PIGF: variants seen among roughly 807,000 people sequenced by gnomAD.
PIGF encodes the protein GPI ethanolamine phosphate transferase, stabilizing subunit.
In PIGF, 23 loss-of-function variants were observed where a neutral mutation model predicts 26.0. That is an observed-to-expected ratio of 0.88 (90% CI 0.64 to 1.25). The LOEUF (loss-of-function observed/expected upper bound fraction) is 1.25. PIGF is among the 50% of genes most tolerant of loss of function. PIGF has a pLI of 0.00. For missense variants in PIGF, 278 were observed against 249.9 expected (o/e 1.11, Z -0.76); for synonymous variants, 93 against 92.6 (o/e 1.00, Z -0.03).
intron 5 of PIGF, chr2:46,582,550 T>C (rs1304210443): frequency 6.6e-6 from 1 of 152,358 alleles, no homozygotes; most frequent in East Asian, 1.9e-4. Context: ...AACAACCTAA[T>C]GCATTTTAGA....
chr2:46,596,267 G>C (rs1047583095), intron 4 of PIGF, among the ~76,000 whole-genome samples: 1 of 150,146 alleles, frequency 6.7e-6, no homozygotes. Flanking sequence ...TAAGTTCTAA[G>C]TTCCTTGGGC....
intron 4 of PIGF, among the ~76,000 whole-genome samples, chr2:46,603,970 T>C (rs898191223): frequency 6.6e-6 from 1 of 151,624 alleles, no homozygotes; most frequent in Non-Finnish European, 1.5e-5. Context: ...TAACAAAGGG[T>C]TAATAACCAG....
intron 4 of PIGF, among the ~76,000 whole-genome samples, chr2:46,601,243 T>TA (rs1572777677): frequency 6.6e-6 from 1 of 152,144 alleles, no homozygotes; most frequent in East Asian, 1.9e-4. Context: ...TCAGAATAAA[T>TA]AAATGGCTCC....
chr2:46,614,244 T>G (rs1670532810), intron 2 of PIGF: 1 of 152,912 alleles, frequency 6.5e-6, no homozygotes, highest in Admixed American at 6.5e-5. Context: ...ATTCTTGAAA[T>G]CACACTCATA....
At chr2:46,603,807 C>A (rs1670133944) in intron 4 of PIGF, among the ~76,000 whole-genome samples, 2 of 151,984 alleles carry the variant, frequency 1.3e-5, no homozygotes. Flanking sequence ...GCTAAGATTT[C>A]TTGAATAATA....
chr2:46,601,223 T>G (rs1029936052), intron 4 of PIGF, among the ~76,000 whole-genome samples: 3 of 152,044 alleles, frequency 2.0e-5, no homozygotes, highest in African/African-American at 4.8e-5. Flanking sequence ...ATATGCACAG[T>G]CAATAGGGCT....
intron 5 of PIGF, chr2:46,583,050 A>G (rs187512547): frequency 1.3e-5 from 2 of 152,314 alleles, no homozygotes; most frequent in Admixed American, 1.3e-4. Context: ...ATCAATTAAC[A>G]TATTAGCTGA....
Position 46,589,703 on chromosome 2 carries a change from G to A in PIGF, c.546+2772C>T, listed in dbSNP as rs1558700379. ...TATTTTAGATAATAAAGTGTATACT[G>A]TATTGTCTTCTCATGAAATTTTGCT... On this transcript the variant is annotated intron_variant, in intron 5 of 5. Transcript: ENST00000281382. This position sits in a 1 kb window ranked among gnomAD's most constrained non-coding sequence, Gnocchi z 4.7. Among the ~76,000 whole-genome samples the A allele has an allele frequency of 6.6e-6, 1 of 151,920 alleles. No homozygotes were observed.
At chr2:46,607,139 A>G (rs1189994207) in intron 4 of PIGF, among the ~76,000 whole-genome samples, 1 of 152,224 alleles carries the variant, frequency 6.6e-6, no homozygotes, top group East Asian at 1.9e-4. Flanking sequence ...TGTGTGAATT[A>G]TATCTCAATA....
intron 4 of PIGF, among the ~76,000 whole-genome samples, chr2:46,604,414 T>C (rs4300884): frequency 0.17 from 25,832 of 151,908 alleles, 3,603 homozygotes; most frequent in African/African-American, 0.38. Context: ...CCCATGTTTA[T>C]TGCATCACTA....
intron 4 of PIGF, among the ~76,000 whole-genome samples, chr2:46,605,451 T>C (rs957750889): frequency 3.3e-5 from 5 of 152,108 alleles, no homozygotes; most frequent in African/African-American, 4.8e-5. Flanking sequence ...CTGAGACAAA[T>C]TGCAGTAAGG....
chr2:46,587,314 A>G (rs1157170506), intron 5 of PIGF, among the ~76,000 whole-genome samples: 1 of 152,150 alleles, frequency 6.6e-6, no homozygotes, highest in African/African-American at 2.4e-5. Flanking sequence ...TTTTGCAGTA[A>G]TTCATGTAGT....
intron 4 of PIGF, among the ~76,000 whole-genome samples, chr2:46,596,080 G>A (rs577000894): frequency 5.9e-5 from 9 of 152,104 alleles, no homozygotes; most frequent in South Asian, 2.1e-4. Context: ...TGGGCGCAGC[G>A]TCAGGCACCT....
At chr2:46,610,972 A>G (rs1451547699) in intron 4 of PIGF, among the ~76,000 whole-genome samples, 14 of 152,106 alleles carry the variant, frequency 9.2e-5, no homozygotes, top group Admixed American at 9.2e-4. Flanking sequence ...GCTTTTATCC[A>G]TTCTCCTTGC....
Position 46,588,847 on chromosome 2 carries a change from G to A in PIGF, c.546+3628C>T, listed in dbSNP as rs910837777. 3.9e-5 allele frequency among the ~76,000 whole-genome samples: 6 copies of A among 152,072 alleles called. No individual in the cohort carries two copies. The stretch of plus-strand genomic sequence containing the variant: ...TCCTGGGTGTATTTAAGTATCTGTT[G>A]TACTTACTTACACAGAACATATGCT... On this transcript the variant is annotated intron_variant, in intron 5 of 5. Transcript: ENST00000281382. This position sits in a 1 kb window ranked among gnomAD's most constrained non-coding sequence, Gnocchi z 4.1.
At chr2:46,583,377 T>C (rs139698477) in intron 5 of PIGF, among the ~76,000 whole-genome samples, 44 of 152,266 alleles carry the variant, frequency 2.9e-4, no homozygotes, top group African/African-American at 1.0e-3. Context: ...AGTAATTTTC[T>C]TATTCACAGT....
At chr2:46,592,697 A>G in intron 4 of PIGF, 114 bp from the exon 5 acceptor site, 1 of 608,710 alleles carries the variant, frequency 1.6e-6, no homozygotes, top group African/African-American at 1.8e-5. Context: ...ATTTAAAATG[A>G]AAATCTCAAA....
chr2:46,591,559 G>A, intron 5 of PIGF: 26 of 937,500 alleles, frequency 2.8e-5, no homozygotes, highest in Non-Finnish European at 3.2e-5. Context: ...AAAAATTCAA[G>A]AAGCTATAGA....
intron 4 of PIGF, among the ~76,000 whole-genome samples, chr2:46,596,491 T>C (rs1281638501): frequency 6.6e-6 from 1 of 152,140 alleles, no homozygotes; most frequent in East Asian, 1.9e-4. Flanking sequence ...GTTTTTAAAG[T>C]AAAAATTTCA....
Sources: gnomAD v4.1 joint callset for allele counts (sites outside exome capture counted in the v4.1 genomes callset) on GRCh38, gnomAD v4.1.1 for gene constraint, Gnocchi (gnomAD v3.1) non-coding constraint, MANE v1.5 for transcripts, NCBI Gene and HGNC (gene_info 2026-07-23, HGNC 2026-07-21) for gene names.